The following ATP2B3 variants were observed in gnomAD, a reference collection of about 807,000 sequenced individuals.
ATP2B3 encodes the protein ATPase plasma membrane Ca2+ transporting 3, also known as plasma membrane calcium-transporting ATPase 3.
ATP2B3 carries 12 observed loss-of-function variants against 70.8 expected under a neutral mutation model. The observed-to-expected ratio is 0.17, with a 90% CI of 0.11 to 0.27. The LOEUF (loss-of-function observed/expected upper bound fraction) is 0.27. Among genes scored for constraint, ATP2B3 ranks in the 10% least tolerant of loss-of-function variants. The pLI, the probability that ATP2B3 is intolerant of heterozygous loss-of-function variation, is 1.00. For missense variants in ATP2B3, 858 were observed against 1,118.5 expected (o/e 0.77, Z 3.32); for synonymous variants, 460 against 497.8 (o/e 0.92, Z 1.01).
At position 153,565,083 on chromosome X, in the gene ATP2B3, C is replaced by A; in HGVS notation, c.3322C>A (p.Leu1108Met). The A allele has an allele frequency of 8.4e-7, 1 of 1,190,509 alleles. No homozygotes were observed. The highest frequency in any genetic ancestry group is 1.1e-6 in the Non-Finnish European group (1 of 884,571). Residue 1108 changes from leucine to methionine, a missense_variant, in exon 21 of 22, where the codon CTG (leucine) becomes ATG (methionine). By Grantham distance (15) the Leu-to-Met change is conservative. Coordinates refer to ENST00000263519, the MANE Select transcript of ATP2B3 (RefSeq NM_001001344.3). ...GGGCCAGATCCTCTGGTTCCGGGGCCTGAACCGGATTCAGACGCAGGTAAG... is the reference window on the plus strand; with the variant it reads ...GGGCCAGATCCTCTGGTTCCGGGGCATGAACCGGATTCAGACGCAGGTAAG... ...RRGQILWFRG[L>M]NRIQTQIRVV...
At position 153,580,299 on chromosome X, in the gene ATP2B3, C is replaced by T. The variant is rs374810330; in HGVS notation, c.*1C>T. The T allele has an allele frequency of 1.0e-4, 123 of 1,201,908 alleles. No individual in the cohort carries two copies. The highest frequency in any genetic ancestry group is 1.3e-4 in the Non-Finnish European group (120 of 888,941). On this transcript the variant is annotated 3_prime_UTR_variant, in exon 22 of 22. Coordinates refer to ENST00000263519, the MANE Select transcript of ATP2B3 (RefSeq NM_001001344.3). ...CCACAGCGTGGAGACGTCCCTCTAA[C>T]AAGAACTTGTCTCAGCACATGCGCA...
intron 21 of ATP2B3, among the ~76,000 whole-genome samples, chrX:153,566,169 C>T (rs2090704632): frequency 8.9e-6 from 1 of 112,809 alleles, no homozygotes; most frequent in Non-Finnish European, 1.9e-5. Context: ...CACTCCACCT[C>T]CTTCTGCAAG....
chrX:153,562,258 G>A lies in ATP2B3; in HGVS notation c.3159+16G>A. On this transcript the variant is annotated intron_variant, in intron 20 of 21. Transcript: ENST00000263519. ...CTGGGGACAGGTGAGTGACAGCCCT[G>A]CCCCTCATTTCAGACTGCCCTGCAG... 4 of 1,190,547 alleles carry A rather than the reference G, an allele frequency of 3.4e-6. No individual in the cohort carries two copies. Among genetic ancestry groups the A allele is most frequent in the Non-Finnish European group, 4.6e-6 (4 of 878,266 alleles).
rs782544316 is a variant in ATP2B3, at chrX:153,552,172, C to T, written c.1824-863C>T. 1.2e-4 allele frequency among the ~76,000 whole-genome samples: 14 copies of T among 112,463 alleles called. 1 individual carries two copies. The highest frequency in any genetic ancestry group is 6.5e-4 in the Admixed American group (7 of 10,710). On this transcript the variant is annotated intron_variant, in intron 12 of 21. Transcript: ENST00000263519. The stretch of plus-strand genomic sequence containing the variant: ...GGCACTGAGGGACACTGAGGCACTG[C>T]GGACAAAAGGCCCAGCCCAGCTTCA...
intron 6 of ATP2B3, 103 bp from the exon 7 acceptor site, chrX:153,542,940 G>A (rs1318095650): frequency 5.6e-5 from 59 of 1,059,415 alleles, no homozygotes; most frequent in Non-Finnish European, 7.1e-5. Context: ...TGGACACCGC[G>A]TCCCTGCTTC....
In ATP2B3 at chrX:153,580,339, C is replaced by T; in HGVS notation, c.*41C>T. On this transcript the variant is annotated 3_prime_UTR_variant, in exon 22 of 22. Coordinates refer to ENST00000263519, the MANE Select transcript of ATP2B3 (RefSeq NM_001001344.3). ...GCACATGCGCACACGCACACTCGGA[C>T]TCACACGAAGTCACACGCACACATG... is the stretch of plus-strand genomic sequence containing the variant. 8.7e-7 allele frequency: 1 copy of T among 1,145,167 alleles called. No homozygotes were observed. Among genetic ancestry groups the T allele is most frequent in the Middle Eastern group, 2.4e-4 (1 of 4,131 alleles). 94.4% of individuals were successfully genotyped at this position (1,145,167 alleles called of 1,213,427 possible). A position where few individuals can be genotyped will look rare whatever the true frequency, so the allele number is the denominator to read the frequency against.
chrX:153,548,107 C>T, intron 9 of ATP2B3, 108 bp downstream of exon 9: 1 of 1,019,325 alleles, frequency 9.8e-7, no homozygotes, highest in South Asian at 2.8e-5. Context: ...AGGGATGTGG[C>T]AGGTGATGTG....
At position 153,556,373 on chromosome X, in the gene ATP2B3, G is replaced by T. The variant is rs782335545; in HGVS notation, c.2281G>T (p.Val761Leu). The T allele has an allele frequency of 2.6e-5, 31 of 1,204,494 alleles. No homozygotes were observed. The Admixed American group carries it at 6.8e-4, about 27-fold the overall frequency. Residue 761 changes from valine to leucine, a missense_variant, in exon 15 of 22, where the codon GTG becomes TTG. Around this residue, in one of 5 missense-constraint regions of ATP2B3, gnomAD observed 242 missense variants for 281.3 expected, o/e 0.86. Coordinates refer to ENST00000263519, the MANE Select transcript of ATP2B3 (RefSeq NM_001001344.3). ...GGACAAGGTGTGGCCCAAGCTGAGG[G>T]TGCTGGCCCGGTCGTCTCCCACCGA... is the stretch of plus-strand genomic sequence containing the variant. Reference protein sequence around the residue: ...RLDKVWPKLRVLARSSPTDKH... With the variant: ...RLDKVWPKLRLLARSSPTDKH...
At chrX:153,528,586 C>G (rs1343897949) in intron 2 of ATP2B3, among the ~76,000 whole-genome samples, 2 of 111,381 alleles carry the variant, frequency 1.8e-5, no homozygotes, top group African/African-American at 6.5e-5. Context: ...CTTGGCCTAT[C>G]TAACAGAGAC....
At chrX:153,542,944 CT>C (rs1471735233) in intron 6 of ATP2B3, 98 bp from the exon 7 acceptor site, 1 of 1,086,041 alleles carries the variant, frequency 9.2e-7, no homozygotes, top group African/African-American at 1.8e-5. Flanking sequence ...CACCGCGTCC[CT>C]GCTTCCGGGA....
intron 2 of ATP2B3, among the ~76,000 whole-genome samples, chrX:153,522,772 A>G (rs1271713251): frequency 8.9e-6 from 1 of 112,125 alleles, no homozygotes; most frequent in Non-Finnish European, 1.9e-5. Flanking sequence ...TGCTGACTCC[A>G]GTGGTCCTAG....
Position 153,582,381 on chromosome X carries a change from GC to G in ATP2B3, c.*2084del, listed in dbSNP as rs1350220554. 1.8e-5 allele frequency: 2 copies of G among 112,575 alleles called. No individual in the cohort carries two copies. The highest frequency in any genetic ancestry group is 3.8e-5 in the Non-Finnish European group (2 of 53,259). The allele number at this position is 112,575 out of a possible 1,213,427, so 9.3% of individuals were successfully genotyped here. A position where few individuals can be genotyped will look rare whatever the true frequency, so the allele number is the denominator to read the frequency against. On this transcript the variant is annotated 3_prime_UTR_variant, in exon 22 of 22. Transcript: ENST00000263519. ...TGTTTAAACGATAATAAGAAAAAGGGCAACTCCATTTGTTGAGGGTCTTTGT... is the reference window on the plus strand; with the variant it reads ...TGTTTAAACGATAATAAGAAAAAGGGAACTCCATTTGTTGAGGGTCTTTGT...
At chrX:153,566,554 C>A (rs1171394380) in intron 21 of ATP2B3, among the ~76,000 whole-genome samples, 3 of 111,698 alleles carry the variant, frequency 2.7e-5, no homozygotes, top group Non-Finnish European at 5.7e-5. Flanking sequence ...GGCAACCCCA[C>A]TCCCTGGGCC....
chrX:153,563,216 A>G (rs2090654217), intron 20 of ATP2B3, among the ~76,000 whole-genome samples: 1 of 93,429 alleles, frequency 1.1e-5, no homozygotes, highest in Non-Finnish European at 2.0e-5. Flanking sequence ...ATCACAGCTC[A>G]CTGTAGCCTC....
In ATP2B3 at chrX:153,580,153, C is replaced by A. The variant is rs149428057; in HGVS notation, c.3518C>A (p.Ala1173Asp). Residue 1173 changes from alanine to aspartate, a missense_variant, in exon 22 of 22, where the codon GCC becomes GAC. Around this residue, in one of 5 missense-constraint regions of ATP2B3, gnomAD observed 265 missense variants for 305.3 expected, o/e 0.87. Transcript: ENST00000263519. ...GACGAGAACGAGGAGCGCCTCCGGGCCCCCCCGCCCCCGTCCCCCAACCAG... is the reference window on the plus strand; with the variant it reads ...GACGAGAACGAGGAGCGCCTCCGGGACCCCCCGCCCCCGTCCCCCAACCAG... ...DVDENEERLRAPPPPSPNQNN... is the reference protein window; with the variant it reads ...DVDENEERLRDPPPPSPNQNN... The A allele has an allele frequency of 9.2e-7, 1 of 1,090,545 alleles. No homozygotes were observed. Among genetic ancestry groups the A allele is most frequent in the South Asian group, 1.8e-5 (1 of 54,401 alleles). 89.9% of individuals were successfully genotyped at this position (1,090,545 alleles called of 1,213,427 possible). A position where few individuals can be genotyped will look rare whatever the true frequency, so the allele number is the denominator to read the frequency against.
At chrX:153,555,054 C>T (rs1325189011) in intron 13 of ATP2B3, among the ~76,000 whole-genome samples, 1 of 112,075 alleles carries the variant, frequency 8.9e-6, no homozygotes, top group Non-Finnish European at 1.9e-5. Flanking sequence ...TCTTGTGGCT[C>T]GTGATCTTGT....
intron 21 of ATP2B3, among the ~76,000 whole-genome samples, chrX:153,579,585 C>T (rs1603139438): frequency 8.9e-6 from 1 of 112,423 alleles, no homozygotes; most frequent in African/African-American, 3.2e-5. Context: ...CAAAGCCACT[C>T]GTCTCCCCAG....
rs1270747331 is a variant in ATP2B3, at chrX:153,547,782, G to A, written c.959-53G>A. 2.1e-5 allele frequency: 23 copies of A among 1,113,935 alleles called. No individual in the cohort carries two copies. The South Asian group carries it at 4.7e-4, about 23-fold the overall frequency. The allele number at this position is 1,113,935 out of a possible 1,213,427, so 91.8% of individuals were successfully genotyped here. On this transcript the variant is annotated intron_variant, in intron 8 of 21. Coordinates refer to ENST00000263519, the MANE Select transcript of ATP2B3 (RefSeq NM_001001344.3). ...TTCCCCCACAAAAGCCCCTTATAAC[G>A]CCTTCTCCCCAGCCAGGCACTGACC...
chrX:153,547,296 A>G (rs782411777), intron 8 of ATP2B3, among the ~76,000 whole-genome samples: 51 of 110,496 alleles, frequency 4.6e-4, no homozygotes, highest in Non-Finnish European at 8.5e-4. Context: ...CACAGGACCC[A>G]CCAGGGAAGA....
Sources: allele counts gnomAD v4.1 joint callset (sites outside exome capture counted in the v4.1 genomes callset), GRCh38; gene constraint gnomAD v4.1.1; regional missense constraint gnomAD v4.1.1; transcripts MANE v1.5; gene names NCBI Gene and HGNC (gene_info 2026-07-23, HGNC 2026-07-21).